The following DIP2C variants were observed in gnomAD, a reference collection of about 807,000 sequenced individuals.
DIP2C encodes DIP2 acetate--CoA ligase C (putative), also known as disco-interacting protein 2 homolog C.
Under a neutral mutation model 192.4 loss-of-function variants are expected in DIP2C, and 33 were observed. The observed-to-expected ratio is 0.17, with a 90% confidence interval of 0.13 to 0.23. DIP2C has a LOEUF of 0.23. Among genes scored for constraint, DIP2C ranks in the 10% least tolerant of loss-of-function variants. The pLI is 1.00. For missense variants in DIP2C, 1,537 were observed against 2,110.1 expected (o/e 0.73, Z 5.32); for synonymous variants, 979 against 864.1 (o/e 1.13, Z -2.33).
At chr10:462,107 A>G (rs1421104380) in intron 3 of DIP2C, among the ~76,000 whole-genome samples, 1 of 152,210 alleles carries the variant, frequency 6.6e-6, no homozygotes, top group Non-Finnish European at 1.5e-5. Flanking sequence ...CCCTAACATC[A>G]TAATTAAAAG....
chr10:511,656 A>C (rs1301777007), intron 1 of DIP2C, among the ~76,000 whole-genome samples: 2 of 151,648 alleles, frequency 1.3e-5, no homozygotes, highest in African/African-American at 4.8e-5. Flanking sequence ...CAAGTCAGTC[A>C]CCCCTCCACG....
intron 32 of DIP2C, among the ~76,000 whole-genome samples, chr10:289,863 G>A (rs190134342): frequency 2.6e-5 from 4 of 152,334 alleles, no homozygotes; most frequent in East Asian, 3.9e-4. Flanking sequence ...CGTCCTCCAC[G>A]TGCCAGACAT....
intron 3 of DIP2C, among the ~76,000 whole-genome samples, chr10:459,549 T>G (rs887559051): frequency 6.6e-6 from 1 of 152,192 alleles, no homozygotes; most frequent in South Asian, 2.1e-4. Flanking sequence ...TGGGTTCTAG[T>G]ATCTTCCTCT....
At chr10:621,209 C>T (rs1405010081) in intron 1 of DIP2C, among the ~76,000 whole-genome samples, 1 of 152,158 alleles carries the variant, frequency 6.6e-6, no homozygotes, top group Non-Finnish European at 1.5e-5. Flanking sequence ...AAGCACACAC[C>T]CCCAGGTGTG....
At chr10:633,566 G>A (rs1854656865) in intron 1 of DIP2C, among the ~76,000 whole-genome samples, 1 of 152,208 alleles carries the variant, frequency 6.6e-6, no homozygotes, top group Non-Finnish European at 1.5e-5. Context: ...TGAGCCAGGG[G>A]GCCCTCGCGT....
chr10:409,985 G>A (rs986474681), intron 8 of DIP2C, among the ~76,000 whole-genome samples: 32 of 152,266 alleles, frequency 2.1e-4, no homozygotes, highest in African/African-American at 7.2e-4. Context: ...GTGTAATAAA[G>A]GTAACAGCTA....
chr10:585,211 C>T (rs972128108), intron 1 of DIP2C, among the ~76,000 whole-genome samples: 1 of 152,220 alleles, frequency 6.6e-6, no homozygotes, highest in African/African-American at 2.4e-5. Flanking sequence ...AGACACTTTC[C>T]CACTGACTTC....
chr10:634,204 C>T (rs1303899093), intron 1 of DIP2C, among the ~76,000 whole-genome samples: 3 of 152,242 alleles, frequency 2.0e-5, no homozygotes, highest in Non-Finnish European at 2.9e-5. Context: ...TCAGCGTCAA[C>T]GCTGTCCCCT....
At chr10:311,596 G>C in intron 31 of DIP2C, 1 of 1,232,304 alleles carries the variant, frequency 8.1e-7, no homozygotes, top group Non-Finnish European at 1.0e-6. Flanking sequence ...AGGACGAGAA[G>C]AGAGGAGAGA....
intron 1 of DIP2C, among the ~76,000 whole-genome samples, chr10:616,042 G>A (rs79339974): frequency 8.5e-5 from 13 of 152,194 alleles, no homozygotes; most frequent in South Asian, 2.1e-4. Context: ...TCCTGAAGAC[G>A]CTGAGAAAGG....
intron 17 of DIP2C, among the ~76,000 whole-genome samples, chr10:382,301 G>C (rs1962441960): frequency 6.6e-6 from 1 of 152,158 alleles, no homozygotes; most frequent in Non-Finnish European, 1.5e-5. Flanking sequence ...GATGAAAACA[G>C]ACCCTATCCC....
chr10:472,337 T>TC, intron 3 of DIP2C, 102 bp downstream of exon 3: 1 of 1,068,990 alleles, frequency 9.4e-7, no homozygotes, highest in Admixed American at 1.9e-5. Context: ...GTGCTGCAGG[T>TC]CCACGCCCAC....
intron 2 of DIP2C, among the ~76,000 whole-genome samples, chr10:485,629 C>G (rs1305413060): frequency 6.6e-6 from 1 of 152,194 alleles, no homozygotes; most frequent in East Asian, 1.9e-4. Flanking sequence ...GGACGGGCCT[C>G]GGGAAGAACA....
chr10:461,588 G>A (rs1037042298), intron 3 of DIP2C, among the ~76,000 whole-genome samples: 1 of 152,148 alleles, frequency 6.6e-6, no homozygotes, highest in Non-Finnish European at 1.5e-5. Context: ...GTAACAGTGG[G>A]AGGCTTTAAC....
chr10:503,238 T>C (rs1257054642), intron 1 of DIP2C, among the ~76,000 whole-genome samples: 6 of 151,986 alleles, frequency 3.9e-5, no homozygotes, highest in Admixed American at 3.9e-4. Flanking sequence ...TGCGGACTTA[T>C]CATGATTCCA....
chr10:613,652 T>G (rs1462278244), intron 1 of DIP2C, among the ~76,000 whole-genome samples: 1 of 152,208 alleles, frequency 6.6e-6, no homozygotes, highest in Non-Finnish European at 1.5e-5. Context: ...ATTGCAGAAT[T>G]TGCTACTGAA....
intron 1 of DIP2C, among the ~76,000 whole-genome samples, chr10:592,014 T>G (rs1293916093): frequency 6.6e-6 from 1 of 152,218 alleles, no homozygotes; most frequent in Non-Finnish European, 1.5e-5. Flanking sequence ...ATTTCACATT[T>G]CAAGCGAAGA....
At chr10:615,763 T>G (rs1853427640) in intron 1 of DIP2C, among the ~76,000 whole-genome samples, 1 of 152,174 alleles carries the variant, frequency 6.6e-6, no homozygotes, top group African/African-American at 2.4e-5. Flanking sequence ...GCTTCTTGAC[T>G]TTAGTGTTTA....
At chr10:525,793 G>C (rs1027237288) in intron 1 of DIP2C, among the ~76,000 whole-genome samples, 12 of 152,230 alleles carry the variant, frequency 7.9e-5, no homozygotes, top group African/African-American at 2.7e-4. Flanking sequence ...GCATCTCAAT[G>C]AGACAGCCGG....
Sources: gnomAD v4.1 joint callset for allele counts (sites outside exome capture counted in the v4.1 genomes callset) on GRCh38, gnomAD v4.1.1 for gene constraint, MANE v1.5 for transcripts, NCBI Gene and HGNC (gene_info 2026-07-23, HGNC 2026-07-21) for gene names.